CACNA2D3: variants seen among roughly 807,000 people sequenced by gnomAD.
CACNA2D3 encodes the protein calcium voltage-gated channel auxiliary subunit alpha2delta 3.
A neutral mutation model predicts 160.6 loss-of-function variants in CACNA2D3; 60 were observed. That is an observed-to-expected ratio of 0.37 (90% confidence interval 0.30 to 0.46). The LOEUF (loss-of-function observed/expected upper bound fraction) is 0.46. Ranked by LOEUF, CACNA2D3 falls within the 20% of genes least tolerant of loss-of-function variation. The pLI is 1.00. For synonymous variants in CACNA2D3, 558 were observed against 492.9 expected, an observed-to-expected ratio of 1.13 and a Z score of -1.75; for missense variants, 1,205 against 1,365.0, an observed-to-expected ratio of 0.88 and a Z score of 1.85.
chr3:54,922,409 A>G (rs1700879341), intron 27 of CACNA2D3, among the ~76,000 whole-genome samples: 1 of 151,948 alleles, frequency 6.6e-6, no homozygotes, highest in Non-Finnish European at 1.5e-5. Flanking sequence ...TTAATCCACA[A>G]TACAATAGTT....
chr3:54,344,823 G>T (rs781046585), intron 3 of CACNA2D3, among the ~76,000 whole-genome samples: 1 of 152,124 alleles, frequency 6.6e-6, no homozygotes, highest in South Asian at 2.1e-4. Flanking sequence ...GACGGCTAAG[G>T]CATTCTCAGT....
chr3:54,186,526 T>G (rs1157874674), intron 2 of CACNA2D3, among the ~76,000 whole-genome samples: 1 of 152,200 alleles, frequency 6.6e-6, no homozygotes, highest in Admixed American at 6.5e-5. Context: ...ATTTTTCTCC[T>G]TCTTTCTTTA....
chr3:54,991,255 G>A (rs940811964), intron 31 of CACNA2D3, among the ~76,000 whole-genome samples: 14 of 146,784 alleles, frequency 9.5e-5, no homozygotes, highest in African/African-American at 3.6e-4. Context: ...ACAGAGTCTC[G>A]CTTGTTGCCC....
rs570733494 is a variant in CACNA2D3 at position 54,833,743 on chromosome 3, G to A, written c.1399-3416G>A. Among the ~76,000 whole-genome samples, 291 of 152,220 alleles carry A rather than the reference G, an allele frequency of 1.9e-3. 1 individual carries two copies. Among genetic ancestry groups the A allele is most frequent in the Middle Eastern group, 3.4e-3 (1 of 294 alleles). ...AGATTCACAGAGTCCAGACCTGTGG[G>A]GACTGGGAATGATGGAGCTGGTGGG... On this transcript the variant is annotated intron_variant, in intron 14 of 37. Coordinates refer to ENST00000474759, the MANE Select transcript of CACNA2D3 (RefSeq NM_018398.3).
At chr3:54,457,701 A>T (rs1164321645) in intron 4 of CACNA2D3, among the ~76,000 whole-genome samples, 1 of 151,934 alleles carries the variant, frequency 6.6e-6, no homozygotes, top group Non-Finnish European at 1.5e-5. Flanking sequence ...ATCTTTTGAG[A>T]TCTAATAATA....
At chr3:55,030,364 T>C (rs1703663239) in intron 35 of CACNA2D3, among the ~76,000 whole-genome samples, 1 of 152,200 alleles carries the variant, frequency 6.6e-6, no homozygotes, top group Non-Finnish European at 1.5e-5. Flanking sequence ...CATATAATGT[T>C]GAGGCTGTGC....
At chr3:54,683,174 G>A (rs544279765) in intron 11 of CACNA2D3, among the ~76,000 whole-genome samples, 60 of 152,304 alleles carry the variant, frequency 3.9e-4, no homozygotes, top group African/African-American at 1.4e-3. Flanking sequence ...CATCACAGTA[G>A]TAATGAACTT....
chr3:54,722,190 G>A (rs189299009), intron 11 of CACNA2D3, among the ~76,000 whole-genome samples: 7 of 152,058 alleles, frequency 4.6e-5, no homozygotes, highest in South Asian at 2.1e-4. Context: ...CCTTTCTTTC[G>A]CTTGATGAAT....
intron 13 of CACNA2D3, among the ~76,000 whole-genome samples, chr3:54,806,349 G>A (rs1703122798): frequency 6.6e-6 from 1 of 152,146 alleles, no homozygotes; most frequent in Admixed American, 6.6e-5. Context: ...AGCAACTTCA[G>A]CAAAGTCTCA....
At chr3:54,491,183 G>A (rs1298550246) in intron 4 of CACNA2D3, among the ~76,000 whole-genome samples, 2 of 152,160 alleles carry the variant, frequency 1.3e-5, no homozygotes, top group Non-Finnish European at 2.9e-5. Context: ...TTTTGGAGTA[G>A]GACTTGTTCT....
intron 34 of CACNA2D3, among the ~76,000 whole-genome samples, chr3:55,011,563 A>C (rs1284664434): frequency 6.7e-6 from 1 of 148,946 alleles, no homozygotes; most frequent in African/African-American, 2.5e-5. Context: ...TTTTTGATGA[A>C]ATTAAAAAAA....
At position 55,073,662 on chromosome 3, in the gene CACNA2D3, T is replaced by C. The variant is rs1036192474; in HGVS notation, c.3100+105T>C. ...ATATTAGAGAAGGAAAATTACATCCTTTCCACTGTTGGAGAGAGAGAGTAG... is the reference window on the plus strand; with the variant it reads ...ATATTAGAGAAGGAAAATTACATCCCTTCCACTGTTGGAGAGAGAGAGTAG... On this transcript the variant is annotated intron_variant, in intron 36 of 37. Coordinates refer to ENST00000474759, the MANE Select transcript of CACNA2D3 (RefSeq NM_018398.3). The C allele has an allele frequency of 1.1e-5, 14 of 1,235,670 alleles. No individual in the cohort carries two copies. The African/African-American group carries it at 2.0e-4, about 17-fold the overall frequency. 76.5% of individuals were successfully genotyped at this position (1,235,670 alleles called of 1,614,324 possible). A position where few individuals can be genotyped will look rare whatever the true frequency, so the allele number is the denominator to read the frequency against.
intron 35 of CACNA2D3, among the ~76,000 whole-genome samples, chr3:55,069,829 C>T (rs138536270): frequency 1.3e-5 from 2 of 152,298 alleles, no homozygotes; most frequent in Non-Finnish European, 2.9e-5. Context: ...CTTAAGTTCT[C>T]AGATTGTTTA....
chr3:54,543,695 T>C (rs1051565224), intron 5 of CACNA2D3, among the ~76,000 whole-genome samples: 1 of 152,216 alleles, frequency 6.6e-6, no homozygotes, highest in Non-Finnish European at 1.5e-5. Flanking sequence ...CACTGAGGAA[T>C]AGTCCTTGGC....
At chr3:54,769,753 C>T (rs1378929489) in intron 13 of CACNA2D3, among the ~76,000 whole-genome samples, 1 of 152,114 alleles carries the variant, frequency 6.6e-6, no homozygotes, top group Non-Finnish European at 1.5e-5. Context: ...TGAGCTGGGT[C>T]TCACATAGTA....
intron 11 of CACNA2D3, among the ~76,000 whole-genome samples, chr3:54,644,203 T>A (rs1241132161): frequency 6.6e-6 from 1 of 152,146 alleles, no homozygotes; most frequent in Non-Finnish European, 1.5e-5. Flanking sequence ...TGAATAGTAT[T>A]CATTTTAGGC....
chr3:55,038,012 CTG>C (rs1338295303), intron 35 of CACNA2D3, among the ~76,000 whole-genome samples: 2 of 152,184 alleles, frequency 1.3e-5, no homozygotes, highest in African/African-American at 4.8e-5. Context: ...TGAGAAGTCA[CTG>C]TATTTTCCTA....
At chr3:54,770,622 A>G (rs976739608) in intron 13 of CACNA2D3, among the ~76,000 whole-genome samples, 8 of 152,168 alleles carry the variant, frequency 5.3e-5, no homozygotes, top group Non-Finnish European at 1.2e-4. Flanking sequence ...GCCCTTGGCA[A>G]TGCAGCCATT....
At chr3:54,825,250 A>T (rs1313300674) in intron 14 of CACNA2D3, among the ~76,000 whole-genome samples, 1 of 152,188 alleles carries the variant, frequency 6.6e-6, no homozygotes, top group Non-Finnish European at 1.5e-5. Context: ...AAGATATAAA[A>T]ACACCCTTCT....
Sources: allele counts gnomAD v4.1 joint callset (sites outside exome capture counted in the v4.1 genomes callset), GRCh38; gene constraint gnomAD v4.1.1; transcripts MANE v1.5; gene names NCBI Gene and HGNC (gene_info 2026-07-23, HGNC 2026-07-21).